CTNND2: variants seen among roughly 807,000 people sequenced by gnomAD.
CTNND2 encodes the protein catenin delta-2.
In CTNND2, 22 loss-of-function variants were observed where a neutral mutation model predicts 144.4. That is an observed-to-expected ratio of 0.15 (90% confidence interval 0.11 to 0.22). CTNND2 has a LOEUF of 0.22. Ranked by LOEUF, CTNND2 falls within the 10% of genes least tolerant of loss-of-function variation. The probability of loss-of-function intolerance (pLI) is 1.00; values close to 1 mark genes in which losing one functional copy is unlikely to be tolerated. For synonymous variants in CTNND2, 751 were observed against 695.6 expected, an observed-to-expected ratio of 1.08 and a Z score of -1.25; for missense variants, 1,353 against 1,618.8, an observed-to-expected ratio of 0.84 and a Z score of 2.82.
rs558121801 is a variant in CTNND2, at chr5:11,421,405, T to C, written c.288-9336A>G. Among the ~76,000 whole-genome samples, 4 of 152,326 alleles carry C rather than the reference T, an allele frequency of 2.6e-5. No individual in the cohort carries two copies. In the South Asian group the frequency reaches 8.3e-4, roughly 32 times the overall value. Reference sequence around the variant, plus strand: ...GGCCACTGAATACAGCTTGCTCTGCTTGACGCTTACTTTTGGTTTTGCATA... The same window carrying C: ...GGCCACTGAATACAGCTTGCTCTGCCTGACGCTTACTTTTGGTTTTGCATA... On this transcript the variant is annotated intron_variant, in intron 3 of 21. Coordinates refer to ENST00000304623, the MANE Select transcript of CTNND2 (RefSeq NM_001332.4).
chr5:11,800,312 T>C (rs1791609791), intron 1 of CTNND2, among the ~76,000 whole-genome samples: 1 of 152,106 alleles, frequency 6.6e-6, no homozygotes, highest in South Asian at 2.1e-4. Context: ...CAATACGATA[T>C]GGTTTAAAGA....
At chr5:11,101,843 C>T (rs1751913086) in intron 14 of CTNND2, among the ~76,000 whole-genome samples, 1 of 149,148 alleles carries the variant, frequency 6.7e-6, no homozygotes, top group Non-Finnish European at 1.5e-5. Context: ...GGTGGCAATG[C>T]CAGAAAAGGA....
At chr5:11,900,164 G>A (rs1737744046) in intron 1 of CTNND2, among the ~76,000 whole-genome samples, 1 of 152,114 alleles carries the variant, frequency 6.6e-6, no homozygotes, top group South Asian at 2.1e-4. Flanking sequence ...AAAGGTTCTA[G>A]GAAGCATTGT....
intron 9 of CTNND2, among the ~76,000 whole-genome samples, chr5:11,267,325 G>A (rs537707962): frequency 6.6e-6 from 1 of 152,158 alleles, no homozygotes; most frequent in Non-Finnish European, 1.5e-5. Flanking sequence ...ATTGGGCTAC[G>A]TGGTGATGGG....
At chr5:11,437,739 G>A (rs1217086627) in intron 3 of CTNND2, among the ~76,000 whole-genome samples, 2 of 152,190 alleles carry the variant, frequency 1.3e-5, no homozygotes, top group African/African-American at 2.4e-5. Flanking sequence ...GACTGTAATC[G>A]GAGATGGTCC....
At chr5:11,333,492 T>C (rs1169193854) in intron 9 of CTNND2, among the ~76,000 whole-genome samples, 5 of 152,162 alleles carry the variant, frequency 3.3e-5, no homozygotes, top group East Asian at 1.9e-4. Context: ...CTTTTTTATT[T>C]CGATAAGCAA....
rs1553988779 is a variant in CTNND2, at chr5:11,879,341, G to GTATATATACATATA, written c.37+24475_37+24476insTATATGTATATATA. 6.4e-5 allele frequency among the ~76,000 whole-genome samples: 7 copies of GTATATATACATATA among 109,386 alleles called. 1 individual carries two copies. Among genetic ancestry groups the GTATATATACATATA allele is most frequent in the African/African-American group, 2.1e-4 (7 of 33,584 alleles). 71.8% of individuals were successfully genotyped at this position (109,386 alleles called of 152,430 possible). ...AAGTGTATTAAAAAATTAAATGTGT[G>GTATATATACATATA]TATATATATATATATACATATACAC... On this transcript the variant is annotated intron_variant, in intron 1 of 21. Coordinates refer to ENST00000304623, the MANE Select transcript of CTNND2 (RefSeq NM_001332.4).
rs190449672 is a variant in CTNND2, at chr5:11,258,545, C to A, written c.1629-21722G>T. On this transcript the variant is annotated intron_variant, in intron 9 of 21. Transcript: ENST00000304623. Reference sequence around the variant, plus strand: ...AAGCGAACCTGGTCATCACTTCATCCTTATTAGATTAAAATGATCTAATCT... The same window carrying A: ...AAGCGAACCTGGTCATCACTTCATCATTATTAGATTAAAATGATCTAATCT... Among the ~76,000 whole-genome samples, 28 of 152,286 alleles carry A rather than the reference C, an allele frequency of 1.8e-4. No homozygotes were observed. The East Asian group carries it at 4.8e-3, about 26-fold the overall frequency.
chr5:11,555,663 A>G (rs557245260), intron 3 of CTNND2, among the ~76,000 whole-genome samples: 1 of 152,198 alleles, frequency 6.6e-6, no homozygotes, highest in Admixed American at 6.6e-5. Flanking sequence ...TCTTAGAGGA[A>G]CAATCTCAGC....
chr5:11,147,638 T>C (rs1239248518), intron 12 of CTNND2, among the ~76,000 whole-genome samples: 5 of 146,282 alleles, frequency 3.4e-5, no homozygotes, highest in Non-Finnish European at 7.4e-5. Context: ...CAAAGACAGA[T>C]GGCCATAATA....
At chr5:11,518,575 T>C (rs183196527) in intron 3 of CTNND2, among the ~76,000 whole-genome samples, 167 of 152,332 alleles carry the variant, frequency 1.1e-3, no homozygotes, top group African/African-American at 3.9e-3. Flanking sequence ...CCACAGCGAC[T>C]TCCAGTCCTG....
At chr5:11,318,605 C>G (rs1751731128) in intron 9 of CTNND2, among the ~76,000 whole-genome samples, 1 of 152,128 alleles carries the variant, frequency 6.6e-6, no homozygotes, top group Non-Finnish European at 1.5e-5. Flanking sequence ...TCCTTCAACC[C>G]AACTGGATTT....
intron 10 of CTNND2, among the ~76,000 whole-genome samples, chr5:11,203,768 G>T (rs1285952949): frequency 6.6e-6 from 1 of 152,132 alleles, no homozygotes. Flanking sequence ...TGTATATCTT[G>T]TTATTTATAT....
chr5:11,526,802 C>A (rs938386333), intron 3 of CTNND2, among the ~76,000 whole-genome samples: 1 of 152,140 alleles, frequency 6.6e-6, no homozygotes, highest in Non-Finnish European at 1.5e-5. Flanking sequence ...CACCTGTACA[C>A]CAGTTTTCAC....
chr5:11,394,103 T>A (rs1759865088), intron 6 of CTNND2, among the ~76,000 whole-genome samples: 1 of 152,158 alleles, frequency 6.6e-6, no homozygotes. Flanking sequence ...GAGGTCCCTA[T>A]CATGCTGCAC....
chr5:11,473,449 G>C (rs1581271761), intron 3 of CTNND2, among the ~76,000 whole-genome samples: 2 of 152,098 alleles, frequency 1.3e-5, no homozygotes, highest in South Asian at 4.1e-4. Flanking sequence ...GGCTGAGAAG[G>C]GGATACTGAG....
At chr5:11,116,291 G>C (rs985964166) in intron 13 of CTNND2, among the ~76,000 whole-genome samples, 2 of 152,214 alleles carry the variant, frequency 1.3e-5, no homozygotes, top group Non-Finnish European at 2.9e-5. Context: ...ACTGTTGTTT[G>C]TTACTGGGGT....
chr5:11,298,058 A>G (rs552118043), intron 9 of CTNND2, among the ~76,000 whole-genome samples: 113 of 152,336 alleles, frequency 7.4e-4, no homozygotes, highest in African/African-American at 2.5e-3. Flanking sequence ...TAAATTGTAC[A>G]TAAGGAACCA....
chr5:11,455,722 G>A (rs914337353), intron 3 of CTNND2, among the ~76,000 whole-genome samples: 2 of 152,136 alleles, frequency 1.3e-5, no homozygotes. Context: ...GGAGAGAAAA[G>A]AAGTGGATGA....
Sources: allele counts gnomAD v4.1 joint callset (sites outside exome capture counted in the v4.1 genomes callset), GRCh38; gene constraint gnomAD v4.1.1; transcripts MANE v1.5; gene names NCBI Gene and HGNC (gene_info 2026-07-23, HGNC 2026-07-21).